Variants in NYAP2 observed in about 807,000 individuals in gnomAD.
The protein encoded by NYAP2 is neuronal tyrosine-phosphorylated phosphoinositide-3-kinase adapter 2.
Under a neutral mutation model 50.4 loss-of-function variants are expected in NYAP2, and 23 were observed. The ratio of observed to expected loss-of-function variants is 0.46; its 90% CI spans 0.33 to 0.65. NYAP2 has a LOEUF of 0.65. NYAP2 is among the 30% of genes least tolerant of loss of function. The pLI is 0.02. For synonymous variants in NYAP2, 394 were observed against 365.2 expected (o/e 1.08, Z -0.90); for missense variants, 885 against 861.0 (o/e 1.03, Z -0.35).
At chr2:225,634,147 T>C (rs961218828) in intron 6 of NYAP2, among the ~76,000 whole-genome samples, 4 of 152,096 alleles carry the variant, frequency 2.6e-5, no homozygotes, top group African/African-American at 9.7e-5. Flanking sequence ...AAAAGAGAAA[T>C]AGAGGTTTAG....
the NYAP2 span, among the ~76,000 whole-genome samples, chr2:225,670,621 A>AAG: frequency 8.6e-3 from 1,203 of 140,044 alleles, 17 homozygotes; most frequent in African/African-American, 0.017. Flanking sequence ...AAAAAAAAAA[A>AAG]AAAAAAAAAA....
At chr2:225,651,299 C>A in intron 6 of NYAP2, 133 bp from the exon 7 acceptor site, 1 of 1,219,074 alleles carries the variant, frequency 8.2e-7, no homozygotes. Flanking sequence ...TCACCTGCTA[C>A]TTATTAGCAA....
At chr2:225,633,796 A>C (rs1693363275) in intron 6 of NYAP2, among the ~76,000 whole-genome samples, 1 of 152,252 alleles carries the variant, frequency 6.6e-6, no homozygotes, top group Non-Finnish European at 1.5e-5. Context: ...CTATTATGTG[A>C]AATCTCCCAA....
intron 3 of NYAP2, among the ~76,000 whole-genome samples, chr2:225,410,190 G>A (rs1431395733): frequency 6.6e-6 from 1 of 152,028 alleles, no homozygotes; most frequent in Non-Finnish European, 1.5e-5. Flanking sequence ...ACTAGAAATA[G>A]AAAGGAATGG....
chr2:225,513,247 C>A, intron 3 of NYAP2, 124 bp from the exon 4 acceptor site: 1 of 836,680 alleles, frequency 1.2e-6, no homozygotes, highest in Non-Finnish European at 1.9e-6. Context: ...TTTTAAAAGG[C>A]AGCATTTCAC....
chr2:225,453,885 C>G (rs1689692866), intron 3 of NYAP2, among the ~76,000 whole-genome samples: 1 of 149,702 alleles, frequency 6.7e-6, no homozygotes, highest in African/African-American at 2.5e-5. Flanking sequence ...CCACGTTGGC[C>G]AGGCTGGTCT....
chr2:225,691,701 C>A, the NYAP2 span, among the ~76,000 whole-genome samples: 1 of 152,040 alleles, frequency 6.6e-6, no homozygotes. Context: ...AGGTGACTCG[C>A]GGCCTCCCAT....
intron 3 of NYAP2, among the ~76,000 whole-genome samples, chr2:225,419,344 T>C (rs1346202523): frequency 6.6e-6 from 1 of 152,232 alleles, no homozygotes; most frequent in Non-Finnish European, 1.5e-5. Flanking sequence ...GAGACATAGA[T>C]AATTAGTTGA....
At chr2:225,435,369 T>C (rs1014376840) in intron 3 of NYAP2, among the ~76,000 whole-genome samples, 10 of 152,216 alleles carry the variant, frequency 6.6e-5, no homozygotes, top group Admixed American at 1.3e-4. Context: ...GCCCGTGTTA[T>C]AAATACAAAT....
intron 6 of NYAP2, among the ~76,000 whole-genome samples, chr2:225,649,286 A>C (rs756065656): frequency 6.6e-6 from 1 of 152,222 alleles, no homozygotes; most frequent in Non-Finnish European, 1.5e-5. Flanking sequence ...TATAATAGGC[A>C]AGCAATACAT....
At chr2:225,528,605 C>A (rs1217744346) in intron 4 of NYAP2, among the ~76,000 whole-genome samples, 1 of 152,138 alleles carries the variant, frequency 6.6e-6, no homozygotes, top group African/African-American at 2.4e-5. Flanking sequence ...TCTGAATGAT[C>A]CTCACTGCTG....
chr2:225,512,852 T>TTCCTTCCTTC (rs1690852275), intron 3 of NYAP2, among the ~76,000 whole-genome samples: 6 of 123,674 alleles, frequency 4.9e-5, no homozygotes, highest in Non-Finnish European at 9.9e-5. Context: ...TTTCTTTCTT[T>TTCCTTCCTTC]CTTCCTTCCT....
chr2:225,622,559 T>TTCTTTCTTCTTTC (rs767090288), intron 5 of NYAP2, among the ~76,000 whole-genome samples: 4 of 56,840 alleles, frequency 7.0e-5, no homozygotes, highest in Non-Finnish European at 1.4e-4. Context: ...CTTTCTTTCT[T>TTCTTTCTTCTTTC]TTTCTTTCTT....
intron 2 of NYAP2, among the ~76,000 whole-genome samples, chr2:225,402,677 A>G (rs1188047655): frequency 1.3e-5 from 2 of 152,038 alleles, no homozygotes; most frequent in Non-Finnish European, 2.9e-5. Context: ...AAAAGCAATC[A>G]GTGTCTTTGT....
upstream of NYAP2, among the ~76,000 whole-genome samples, chr2:225,398,679 T>C (rs1414121896): frequency 6.6e-6 from 1 of 151,622 alleles, no homozygotes; most frequent in Non-Finnish European, 1.5e-5. Flanking sequence ...GGGAAGAGAA[T>C]ATGAGAGAGG....
intron 4 of NYAP2, among the ~76,000 whole-genome samples, chr2:225,551,227 T>C (rs1396123874): frequency 2.6e-5 from 4 of 152,258 alleles, no homozygotes; most frequent in Non-Finnish European, 5.9e-5. Context: ...ACGTCCACTC[T>C]GGCTTTGGCC....
chr2:225,447,281 C>A (rs1317874285), intron 3 of NYAP2, among the ~76,000 whole-genome samples: 1 of 152,174 alleles, frequency 6.6e-6, no homozygotes, highest in Non-Finnish European at 1.5e-5. Flanking sequence ...ATTCTTATAA[C>A]CAATACTGCA....
intron 3 of NYAP2, among the ~76,000 whole-genome samples, chr2:225,464,884 G>A (rs1689892255): frequency 6.6e-6 from 1 of 152,158 alleles, no homozygotes; most frequent in African/African-American, 2.4e-5. Flanking sequence ...TGTAATGCGT[G>A]TTCGTTTTCC....
chr2:225,560,598 A>G (rs1050366060), intron 4 of NYAP2, among the ~76,000 whole-genome samples: 2 of 152,076 alleles, frequency 1.3e-5, no homozygotes, highest in Admixed American at 1.3e-4. Context: ...TTTCCTATCA[A>G]TAGTATATTG....
Sources: gnomAD v4.1 joint callset for allele counts (sites outside exome capture counted in the v4.1 genomes callset) on GRCh38, gnomAD v4.1.1 for gene constraint, MANE v1.5 for transcripts, NCBI Gene and HGNC (gene_info 2026-07-23, HGNC 2026-07-21) for gene names.